SLC35F3: variants seen among roughly 807,000 people sequenced by gnomAD.
SLC35F3 encodes solute carrier family 35 member F3.
A neutral mutation model predicts 49.9 loss-of-function variants in SLC35F3; 25 were observed. The observed-to-expected ratio is 0.50, with a 90% CI of 0.37 to 0.70. The LOEUF (loss-of-function observed/expected upper bound fraction) is 0.70, where lower values mean the gene tolerates loss of function less well. Among genes scored for constraint, SLC35F3 ranks in the 30% least tolerant of loss-of-function variants. The pLI is 0.00. For missense variants in SLC35F3, 525 were observed against 639.8 expected (o/e 0.82, Z 1.94); for synonymous variants, 275 against 265.4 (o/e 1.04, Z -0.35).
At position 233,904,944 on chromosome 1, in the gene SLC35F3, G is replaced by C; in HGVS notation, c.-134G>C. 4 of 1,001,762 alleles carry C rather than the reference G, an allele frequency of 4.0e-6. No individual in the cohort carries two copies. Among genetic ancestry groups the C allele is most frequent in the Non-Finnish European group, 5.6e-6 (4 of 713,330 alleles). 62.1% of individuals were successfully genotyped at this position (1,001,762 alleles called of 1,614,324 possible). ...GCGCGGGCGCGCACAAAGCGGCCCG[G>C]GGCGGCCGGCGCGGCGCAGACCCTC... On this transcript the variant is annotated 5_prime_UTR_variant, in exon 1 of 8. Transcript: ENST00000366618.
chr1:233,993,936 G>C (rs1390296374), intron 2 of SLC35F3, among the ~76,000 whole-genome samples: 1 of 152,146 alleles, frequency 6.6e-6, no homozygotes, highest in Non-Finnish European at 1.5e-5. Flanking sequence ...GAGGTGTTTT[G>C]AGCAGTTTCA....
At chr1:234,302,159 GT>G (rs2102990724) in intron 3 of SLC35F3, among the ~76,000 whole-genome samples, 1 of 151,748 alleles carries the variant, frequency 6.6e-6, no homozygotes, top group Non-Finnish European at 1.5e-5. Flanking sequence ...CTGGGTTGTT[GT>G]TGTTGTTGTT....
intron 2 of SLC35F3, among the ~76,000 whole-genome samples, chr1:234,070,368 G>T (rs2102867520): frequency 6.6e-6 from 1 of 152,266 alleles, no homozygotes; most frequent in African/African-American, 2.4e-5. Flanking sequence ...AGAAAACATG[G>T]TTTTTATGCC....
intron 2 of SLC35F3, among the ~76,000 whole-genome samples, chr1:234,219,219 A>T (rs1667166724): frequency 6.6e-6 from 1 of 152,110 alleles, no homozygotes; most frequent in South Asian, 2.1e-4. Flanking sequence ...AGTAGGTCTG[A>T]CTACCTTGTT....
At chr1:233,997,462 T>C (rs1438864857) in intron 2 of SLC35F3, among the ~76,000 whole-genome samples, 3 of 152,218 alleles carry the variant, frequency 2.0e-5, no homozygotes, top group Non-Finnish European at 4.4e-5. Flanking sequence ...TGATATCTCA[T>C]TGTGGTTTTG....
chr1:234,249,475 C>T (rs1338272445), intron 3 of SLC35F3, among the ~76,000 whole-genome samples: 1 of 152,112 alleles, frequency 6.6e-6, no homozygotes, highest in East Asian at 1.9e-4. Context: ...TCTTGTGGCA[C>T]ATTTGGTGGG....
chr1:234,015,595 C>A (rs1003109348), intron 2 of SLC35F3, among the ~76,000 whole-genome samples: 1 of 152,136 alleles, frequency 6.6e-6, no homozygotes, highest in Non-Finnish European at 1.5e-5. Flanking sequence ...GTTGGGAAAA[C>A]TGGATATCTA....
At chr1:234,076,055 C>T (rs1412097843) in intron 2 of SLC35F3, among the ~76,000 whole-genome samples, 1 of 152,080 alleles carries the variant, frequency 6.6e-6, no homozygotes, top group African/African-American at 2.4e-5. Context: ...TGTTCTTAAC[C>T]TTGGCAAAAT....
chr1:234,191,990 A>G (rs111272196), intron 2 of SLC35F3, among the ~76,000 whole-genome samples: 12,103 of 152,128 alleles, frequency 0.08, 1,339 homozygotes, highest in African/African-American at 0.25. Flanking sequence ...AAAAAAGTCC[A>G]GGACCAGATG....
At chr1:234,228,682 G>A (rs1017408241) in intron 2 of SLC35F3, among the ~76,000 whole-genome samples, 2 of 152,254 alleles carry the variant, frequency 1.3e-5, no homozygotes, top group East Asian at 3.9e-4. Context: ...GTGTGTGTGT[G>A]TGGGTTTGTG....
intron 2 of SLC35F3, among the ~76,000 whole-genome samples, chr1:233,926,380 A>T (rs192496172): frequency 2.8e-4 from 42 of 152,072 alleles, no homozygotes; most frequent in African/African-American, 9.4e-4. Flanking sequence ...CATTTTATTC[A>T]TTTGATTTTC....
At chr1:234,070,671 G>T (rs913995768) in intron 2 of SLC35F3, among the ~76,000 whole-genome samples, 7 of 152,008 alleles carry the variant, frequency 4.6e-5, no homozygotes, top group South Asian at 2.1e-4. Context: ...ATCTCATCAG[G>T]TTCATAGAAT....
At chr1:234,187,347 C>G (rs955759295) in intron 2 of SLC35F3, among the ~76,000 whole-genome samples, 1 of 152,136 alleles carries the variant, frequency 6.6e-6, no homozygotes, top group Non-Finnish European at 1.5e-5. Flanking sequence ...GAGAGGATCC[C>G]AGGCACAGAA....
intron 2 of SLC35F3, among the ~76,000 whole-genome samples, chr1:234,021,810 C>T (rs187583074): frequency 1.3e-5 from 2 of 152,270 alleles, no homozygotes; most frequent in Admixed American, 1.3e-4. Context: ...TTAGGACCAC[C>T]TATAATGTTC....
intron 3 of SLC35F3, among the ~76,000 whole-genome samples, chr1:234,297,156 T>C (rs367557375): frequency 6.6e-6 from 1 of 152,132 alleles, no homozygotes; most frequent in Non-Finnish European, 1.5e-5. Flanking sequence ...AGACAACAAG[T>C]GTTAGTGATA....
chr1:233,942,003 C>T (rs1363456606), intron 2 of SLC35F3, among the ~76,000 whole-genome samples: 2 of 146,028 alleles, frequency 1.4e-5, no homozygotes, highest in African/African-American at 5.0e-5. Flanking sequence ...ACTCTGTCTC[C>T]AGGCTGGAGT....
Position 233,947,663 on chromosome 1 carries a change from T to G in SLC35F3, c.283+41905T>G, listed in dbSNP as rs767781678. Among the ~76,000 whole-genome samples the G allele has an allele frequency of 1.1e-4, 17 of 149,090 alleles. 1 individual carries two copies. The highest frequency in any genetic ancestry group is 2.4e-4 in the Non-Finnish European group (16 of 67,116). Reference sequence around the variant, plus strand: ...CAGGCGTTTCTATGATAGACTTGCTTGCACCTCATATGGGAACCAGGATGA... The same window carrying G: ...CAGGCGTTTCTATGATAGACTTGCTGGCACCTCATATGGGAACCAGGATGA... On this transcript the variant is annotated intron_variant, in intron 2 of 7. Transcript: ENST00000366618.
At chr1:233,938,807 A>G (rs1662375998) in intron 2 of SLC35F3, among the ~76,000 whole-genome samples, 1 of 152,178 alleles carries the variant, frequency 6.6e-6, no homozygotes, top group Non-Finnish European at 1.5e-5. Flanking sequence ...AATGATCGGA[A>G]AGGAAAGCAA....
chr1:234,239,186 G>A (rs1173392050), intron 3 of SLC35F3, among the ~76,000 whole-genome samples: 2 of 152,192 alleles, frequency 1.3e-5, no homozygotes, highest in Admixed American at 6.5e-5. Context: ...AATCAAAGGT[G>A]GGAAGCAATG....
Sources: allele counts gnomAD v4.1 joint callset (sites outside exome capture counted in the v4.1 genomes callset), GRCh38; gene constraint gnomAD v4.1.1; transcripts MANE v1.5; gene names NCBI Gene and HGNC (gene_info 2026-07-23, HGNC 2026-07-21).